Variants in SPOCK3 observed in about 807,000 individuals in gnomAD.
SPOCK3 encodes testican-3.
A neutral mutation model predicts 56.6 loss-of-function variants in SPOCK3; 30 were observed. That is an observed-to-expected ratio of 0.53 (90% CI 0.40 to 0.72). The LOEUF is 0.72. Ranked by LOEUF, SPOCK3 falls within the 30% of genes least tolerant of loss-of-function variation. The pLI, the probability that SPOCK3 is intolerant of heterozygous loss-of-function variation, is 0.00. For missense variants in SPOCK3, 527 were observed against 530.0 expected (o/e 0.99, Z 0.06); for synonymous variants, 196 against 183.3 (o/e 1.07, Z -0.56).
chr4:166,848,842 G>C (rs1748374896), intron 6 of SPOCK3, among the ~76,000 whole-genome samples: 1 of 152,088 alleles, frequency 6.6e-6, no homozygotes, highest in South Asian at 2.1e-4. Context: ...TTAGTTCCAA[G>C]TGCAATGTTG....
intron 6 of SPOCK3, among the ~76,000 whole-genome samples, chr4:166,832,154 G>A (rs978996761): frequency 7.2e-5 from 11 of 151,796 alleles, no homozygotes; most frequent in Admixed American, 2.6e-4. Context: ...CATCAATTAC[G>A]TCCCAAGGCC....
chr4:166,737,407 G>A, intron 10 of SPOCK3, 60 bp downstream of exon 10: 1 of 1,524,380 alleles, frequency 6.6e-7, no homozygotes, highest in Non-Finnish European at 8.9e-7. Flanking sequence ...AATGAATGAG[G>A]CTCTAAAGCA....
At chr4:166,766,293 A>T (rs1326707857) in intron 7 of SPOCK3, among the ~76,000 whole-genome samples, 1 of 151,996 alleles carries the variant, frequency 6.6e-6, no homozygotes, top group Non-Finnish European at 1.5e-5. Context: ...CTTCCAGTTT[A>T]TGTCCATTCA....
intron 2 of SPOCK3, among the ~76,000 whole-genome samples, chr4:167,128,603 A>G (rs1441720113): frequency 6.6e-6 from 1 of 152,192 alleles, no homozygotes; most frequent in Admixed American, 6.5e-5. Flanking sequence ...AAGAAGAAGA[A>G]TTGTCTTGGG....
At chr4:167,027,543 CA>C (rs2150174117) in intron 3 of SPOCK3, among the ~76,000 whole-genome samples, 1 of 152,054 alleles carries the variant, frequency 6.6e-6, no homozygotes, top group East Asian at 1.9e-4. Flanking sequence ...GTGGGGAAAT[CA>C]ACCCCCATGC....
At chr4:167,188,513 C>T (rs1013002216) in intron 2 of SPOCK3, among the ~76,000 whole-genome samples, 2 of 145,312 alleles carry the variant, frequency 1.4e-5, no homozygotes, top group Non-Finnish European at 3.0e-5. Context: ...AGATGGGGAA[C>T]TTTAAGAGCA....
rs144233724 is a variant in SPOCK3 at position 166,856,160 on chromosome 4, GGGA to G, written c.589+32967_589+32969del. Among the ~76,000 whole-genome samples the G allele has an allele frequency of 3.1e-3, 459 of 150,056 alleles. 4 individuals are homozygous for G. The highest frequency in any genetic ancestry group is 9.5e-3 in the African/African-American group (387 of 40,668). On this transcript the variant is annotated intron_variant, in intron 6 of 10. Transcript: ENST00000357545. ...GAAATGGTGGTTACCAGAGACTGAG[GGGA>G]GGAGGAGGAGGAGGAGGAGGAGGAA...
chr4:166,734,728 T>C lies in SPOCK3; in HGVS notation c.*193A>G. 1 of 521,868 alleles carries C rather than the reference T, an allele frequency of 1.9e-6. No individual in the cohort carries two copies. The highest frequency in any genetic ancestry group is 3.3e-6 in the Non-Finnish European group (1 of 306,600). 32.3% of individuals were successfully genotyped at this position (521,868 alleles called of 1,614,324 possible). ...GTATTTTCTTTTTGTGTAAGGAATATAAAAACTCAAAGCAAATGATTCTTA... is the reference window on the plus strand; with the variant it reads ...GTATTTTCTTTTTGTGTAAGGAATACAAAAACTCAAAGCAAATGATTCTTA... On this transcript the variant is annotated 3_prime_UTR_variant, in exon 11 of 11. Transcript: ENST00000357545.
intron 6 of SPOCK3, among the ~76,000 whole-genome samples, chr4:166,797,273 G>T (rs1414717793): frequency 2.6e-4 from 16 of 61,568 alleles, no homozygotes; most frequent in Admixed American, 9.1e-4. Context: ...GTCTCACTCT[G>T]TCCTCCAGGC....
intron 2 of SPOCK3, among the ~76,000 whole-genome samples, chr4:167,232,348 TAAA>T (rs67711117): frequency 3.8e-4 from 55 of 145,344 alleles, no homozygotes; most frequent in African/African-American, 8.0e-4. Flanking sequence ...TTGATTTTAT[TAAA>T]AAAAAAAAAA....
intron 5 of SPOCK3, among the ~76,000 whole-genome samples, chr4:166,900,505 C>CAAGGAGGCTAT (rs1735922193): frequency 6.6e-6 from 1 of 152,252 alleles, no homozygotes; most frequent in East Asian, 1.9e-4. Flanking sequence ...GAATAAGATG[C>CAAGGAGGCTAT]AAGGAGGCTA....
At chr4:167,069,723 G>A (rs1756498053) in intron 2 of SPOCK3, among the ~76,000 whole-genome samples, 2 of 151,868 alleles carry the variant, frequency 1.3e-5, no homozygotes, top group African/African-American at 2.4e-5. Flanking sequence ...AATTAATCAC[G>A]CAAATCCTTC....
At chr4:167,074,067 A>AT (rs200623595) in intron 2 of SPOCK3, among the ~76,000 whole-genome samples, 1,825 of 151,790 alleles carry the variant, frequency 0.012, 19 homozygotes, top group Non-Finnish European at 0.017. Context: ...AAAAAAAAAA[A>AT]ATAGCTAGTT....
chr4:167,141,828 A>G (rs1763558191), intron 2 of SPOCK3, among the ~76,000 whole-genome samples: 1 of 152,040 alleles, frequency 6.6e-6, no homozygotes, highest in Admixed American at 6.6e-5. Context: ...TCAGTTCCCA[A>G]ATTTAAAAGG....
At chr4:166,992,234 G>A (rs1048519904) in intron 4 of SPOCK3, among the ~76,000 whole-genome samples, 7 of 151,922 alleles carry the variant, frequency 4.6e-5, no homozygotes, top group East Asian at 3.9e-4. Context: ...AGTGGTCTGC[G>A]GAGGAAAGAA....
chr4:166,958,630 A>G (rs901067465), intron 4 of SPOCK3, among the ~76,000 whole-genome samples: 1 of 152,232 alleles, frequency 6.6e-6, no homozygotes, highest in Non-Finnish European at 1.5e-5. Flanking sequence ...TGATAAAGTT[A>G]TATGGAGAAT....
At chr4:166,872,033 C>A (rs1432328505) in intron 6 of SPOCK3, among the ~76,000 whole-genome samples, 1 of 105,774 alleles carries the variant, frequency 9.5e-6, no homozygotes, top group Non-Finnish European at 2.1e-5. Context: ...AAAGGGCACA[C>A]ACACACACAA....
intron 2 of SPOCK3, among the ~76,000 whole-genome samples, chr4:167,163,212 A>G (rs1338148020): frequency 7.7e-5 from 11 of 142,516 alleles, no homozygotes; most frequent in Non-Finnish European, 1.2e-4. Flanking sequence ...GGTAATCCTC[A>G]TCATGTTAAA....
intron 2 of SPOCK3, among the ~76,000 whole-genome samples, chr4:167,113,203 T>G (rs1580335932): frequency 6.6e-6 from 1 of 152,276 alleles, no homozygotes; most frequent in African/African-American, 2.4e-5. Context: ...AACCACTGCA[T>G]TTTAATTACT....
Sources: gnomAD v4.1 joint callset for allele counts (sites outside exome capture counted in the v4.1 genomes callset) on GRCh38, gnomAD v4.1.1 for gene constraint, MANE v1.5 for transcripts, NCBI Gene and HGNC (gene_info 2026-07-23, HGNC 2026-07-21) for gene names.